KCNE4: variants seen among roughly 807,000 people sequenced by gnomAD.
KCNE4 encodes the protein potassium voltage-gated channel subfamily E member 4.
Under a neutral mutation model 9.2 loss-of-function variants are expected in KCNE4, and 6 were observed. The observed-to-expected ratio is 0.65, with a 90% CI of 0.36 to 1.29. KCNE4 has a LOEUF of 1.29. Ranked by LOEUF, KCNE4 falls within the 50% of genes most tolerant of loss-of-function variation. KCNE4 has a pLI of 0.03. For missense variants in KCNE4, 222 were observed against 228.8 expected (o/e 0.97, Z 0.19); for synonymous variants, 115 against 103.2 (o/e 1.11, Z -0.70).
rs1252060503 is a variant in KCNE4 at position 223,054,389 on chromosome 2, CG to C, written c.*1047del. On this transcript the variant is annotated 3_prime_UTR_variant, in exon 2 of 2. Coordinates refer to ENST00000281830, the MANE Select transcript of KCNE4 (RefSeq NM_080671.4). ...CTCGCTGTCTGCATGAGGCTCCCGA[CG>C]ATCTCCATCCCCAGGGGGTTGGGAG... The C allele has an allele frequency of 6.0e-6, 1 of 167,078 alleles. No homozygotes were observed. The highest frequency in any genetic ancestry group is 1.5e-5 in the Non-Finnish European group (1 of 68,118). 10.3% of individuals were successfully genotyped at this position (167,078 alleles called of 1,614,324 possible).
In KCNE4 at chr2:223,052,965, C is replaced by T. The variant is rs1698717082; in HGVS notation, c.135C>T (p.Phe45=). The T allele has an allele frequency of 6.2e-7, 1 of 1,614,222 alleles. No individual in the cohort carries two copies. Residue 45 remains phenylalanine, a synonymous_variant, in exon 2 of 2, where the codon TTC becomes TTT. Transcript: ENST00000281830. ...EYFYILVVMS[F]YGIFLIGIML... The stretch of plus-strand genomic sequence containing the variant: ...TCTACATTCTGGTTGTCATGTCCTT[C>T]TACGGCATTTTCTTGATCGGAATCA...
rs765086214 is a variant in KCNE4, at chr2:223,053,205, G to C, written c.375G>C (p.Val125=). ...TCTGTTCCATGGAAGGGGACAGCGT[G>C]AGCTCCGAGTCCTCCTCCCCGGACG... The part of the protein sequence containing the change: ...CTLCSMEGDS[V]SSESSSPDVH... The change falls in exon 2 of 2, where the codon GTG becomes GTC. Residue 125 remains valine (V), a synonymous_variant. Transcript: ENST00000281830. The surrounding 1 kb of genome is among the most constrained non-coding windows in gnomAD (Gnocchi z 4.1). 1 of 1,612,988 alleles carries C rather than the reference G, an allele frequency of 6.2e-7. No individual in the cohort carries two copies. Among genetic ancestry groups the C allele is most frequent in the East Asian group, 2.2e-5 (1 of 44,844 alleles).
At position 223,052,802 on chromosome 2, in the gene KCNE4, C is replaced by T. The variant is rs1698712812; in HGVS notation, c.-23-6C>T. On this transcript the variant is annotated splice_region_variant and splice_polypyrimidine_tract_variant and intron_variant, in intron 1 of 1. Coordinates refer to ENST00000281830, the MANE Select transcript of KCNE4 (RefSeq NM_080671.4). ...GGAGAGTTCTAACCTGCGGCTTTTT[C>T]CCCAGCCCCTGCTGTGGAGGCAGCC... 1 of 1,605,686 alleles carries T rather than the reference C, an allele frequency of 6.2e-7. No homozygotes were observed. The highest frequency in any genetic ancestry group is 1.3e-5 in the African/African-American group (1 of 74,870).
chr2:223,053,466 AC>A lies in KCNE4; in HGVS notation c.*127del. 1 of 1,049,844 alleles carries A rather than the reference AC, an allele frequency of 9.5e-7. No individual in the cohort carries two copies. Among genetic ancestry groups the A allele is most frequent in the Non-Finnish European group, 1.4e-6 (1 of 694,414 alleles). The allele number at this position is 1,049,844 out of a possible 1,614,324, so 65.0% of individuals were successfully genotyped here. ...GCCACTTTGAAGAGACCCTTGGTAA[AC>A]CCCTGATTCGGGGTGGGGTGGGGGA... On this transcript the variant is annotated 3_prime_UTR_variant, in exon 2 of 2. Coordinates refer to ENST00000281830, the MANE Select transcript of KCNE4 (RefSeq NM_080671.4). This position sits in a 1 kb window ranked among gnomAD's most constrained non-coding sequence, Gnocchi z 4.1.
Position 223,053,905 on chromosome 2 carries a change from C to T in KCNE4, c.*562C>T, listed in dbSNP as rs2106183487. On this transcript the variant is annotated 3_prime_UTR_variant, in exon 2 of 2. Coordinates refer to ENST00000281830, the MANE Select transcript of KCNE4 (RefSeq NM_080671.4). This position sits in a 1 kb window ranked among gnomAD's most constrained non-coding sequence, Gnocchi z 4.1. The stretch of plus-strand genomic sequence containing the variant: ...TGGAGATCTGAACCCAGCCCATTTG[C>T]ACACTATAAGAAAAAAAAGTAACTT... 5.8e-6 allele frequency: 1 copy of T among 171,958 alleles called. No individual in the cohort carries two copies. The highest frequency in any genetic ancestry group is 2.4e-5 in the African/African-American group (1 of 41,592). 10.7% of individuals were successfully genotyped at this position (171,958 alleles called of 1,614,324 possible).
In KCNE4 at chr2:223,053,105, G is replaced by A. The variant is rs1196499129; in HGVS notation, c.275G>A (p.Gly92Asp). ...EAMKPLPVVS[G>D]LRSVQVPLML... The stretch of plus-strand genomic sequence containing the variant: ...ATGAAGCCGCTGCCTGTGGTGTCGG[G>A]CCTGAGGTCGGTGCAGGTGCCCCTG... The change falls in exon 2 of 2, where the codon GGC becomes GAC. Residue 92 changes from glycine to aspartate, a missense_variant. Gly to Asp is a moderately conservative substitution (Grantham distance 94, BLOSUM62 -1). Transcript: ENST00000281830. This position sits in a 1 kb window ranked among gnomAD's most constrained non-coding sequence, Gnocchi z 4.1. The A allele has an allele frequency of 5.0e-6, 8 of 1,613,860 alleles. No individual in the cohort carries two copies. Among genetic ancestry groups the A allele is most frequent in the Non-Finnish European group, 5.9e-6 (7 of 1,179,940 alleles).
Position 223,052,825 on chromosome 2 carries a change from G to A in KCNE4, c.-6G>A, listed in dbSNP as rs1445324889. 1 of 1,609,996 alleles carries A rather than the reference G, an allele frequency of 6.2e-7. No individual in the cohort carries two copies. The highest frequency in any genetic ancestry group is 8.5e-7 in the Non-Finnish European group (1 of 1,179,940). ...TTCCCCAGCCCCTGCTGTGGAGGCA[G>A]CCTCAATGCTGAAAATGGAGCCTCT... On this transcript the variant is annotated 5_prime_UTR_variant, in exon 2 of 2. Transcript: ENST00000281830.
At chr2:223,052,740 C>T (rs1698711293) in intron 1 of KCNE4, 68 bp from the exon 2 acceptor site, 1 of 1,553,882 alleles carries the variant, frequency 6.4e-7, no homozygotes, top group Non-Finnish European at 8.7e-7. Context: ...TTCCACAAAC[C>T]TCGTGCTCCC....
chr2:223,052,202 C>G lies in KCNE4; in HGVS notation c.-96C>G. 2.4e-6 allele frequency: 3 copies of G among 1,232,990 alleles called. No individual in the cohort carries two copies. The highest frequency in any genetic ancestry group is 3.0e-6 in the Non-Finnish European group (3 of 988,664). 76.4% of individuals were successfully genotyped at this position (1,232,990 alleles called of 1,614,324 possible). Reference sequence around the variant, plus strand: ...CAGCGGAGTTGTCAGAGCGCAGAGCCGGACAGAGCAGAAGAACCCTCTTGG... The same window carrying G: ...CAGCGGAGTTGTCAGAGCGCAGAGCGGGACAGAGCAGAAGAACCCTCTTGG... On this transcript the variant is annotated 5_prime_UTR_variant, in exon 1 of 2. Coordinates refer to ENST00000281830, the MANE Select transcript of KCNE4 (RefSeq NM_080671.4).
In KCNE4 at chr2:223,052,957, A is replaced by T. The variant is rs373075997; in HGVS notation, c.127A>T (p.Met43Leu). ...CGAGTACTTCTACATTCTGGTTGTC[A>T]TGTCCTTCTACGGCATTTTCTTGAT... Reference protein sequence around the residue: ...GNEYFYILVVMSFYGIFLIGI... With the variant: ...GNEYFYILVVLSFYGIFLIGI... The change falls in exon 2 of 2, where the codon ATG (methionine) becomes TTG (leucine). Residue 43 changes from methionine to leucine, a missense_variant. By Grantham distance (15) the Met-to-Leu change is conservative. Coordinates refer to ENST00000281830, the MANE Select transcript of KCNE4 (RefSeq NM_080671.4). The T allele has an allele frequency of 6.2e-7, 1 of 1,614,206 alleles. No individual in the cohort carries two copies.
In KCNE4 at chr2:223,055,331, G is replaced by A. The variant is rs1042644212; in HGVS notation, c.*1988G>A. 6.0e-6 allele frequency: 1 copy of A among 167,084 alleles called. No homozygotes were observed. The highest frequency in any genetic ancestry group is 2.4e-5 in the African/African-American group (1 of 41,444). 10.4% of individuals were successfully genotyped at this position (167,084 alleles called of 1,614,324 possible). A position where few individuals can be genotyped will look rare whatever the true frequency, so the allele number is the denominator to read the frequency against. On this transcript the variant is annotated 3_prime_UTR_variant, in exon 2 of 2. Coordinates refer to ENST00000281830, the MANE Select transcript of KCNE4 (RefSeq NM_080671.4). ...GGCCCTCTGTTCACTTTAAAATTCA[G>A]TGTGGACTTATGCCAAAGGGGGCTG...
rs1698742981 is a variant in KCNE4 at position 223,054,824 on chromosome 2, A to C, written c.*1481A>C. On this transcript the variant is annotated 3_prime_UTR_variant, in exon 2 of 2. Coordinates refer to ENST00000281830, the MANE Select transcript of KCNE4 (RefSeq NM_080671.4). ...GAAGTAAAAGGTCAAATTTAAATCTATTTAAAAAAACTTTTAAAAAAATTA... is the reference window on the plus strand; with the variant it reads ...GAAGTAAAAGGTCAAATTTAAATCTCTTTAAAAAAACTTTTAAAAAAATTA... 1 of 166,664 alleles carries C rather than the reference A, an allele frequency of 6.0e-6. No individual in the cohort carries two copies. Among genetic ancestry groups the C allele is most frequent in the Admixed American group, 6.5e-5 (1 of 15,286 alleles). The allele number at this position is 166,664 out of a possible 1,614,324, so 10.3% of individuals were successfully genotyped here.
rs1450323570 is a variant in KCNE4, at chr2:223,054,834, A to AG, written c.*1491_*1492insG. 1.2e-5 allele frequency: 2 copies of AG among 166,592 alleles called. No individual in the cohort carries two copies. Among genetic ancestry groups the AG allele is most frequent in the Non-Finnish European group, 2.9e-5 (2 of 68,108 alleles). 10.3% of individuals were successfully genotyped at this position (166,592 alleles called of 1,614,324 possible). ...GTCAAATTTAAATCTATTTAAAAAA[A>AG]CTTTTAAAAAAATTATTTATTTATT... On this transcript the variant is annotated 3_prime_UTR_variant, in exon 2 of 2. Transcript: ENST00000281830.
rs768989498 is a variant in KCNE4 at position 223,053,163 on chromosome 2, C to T, written c.333C>T (p.Pro111=). The T allele has an allele frequency of 6.8e-6, 11 of 1,610,914 alleles. No individual in the cohort carries two copies. Among genetic ancestry groups the T allele is most frequent in the East Asian group, 2.2e-5 (1 of 44,802 alleles). ...ACATGCTGCAGGAGAGCGTGGCGCCCGCGCTGTCCTGCACCCTCTGTTCCA... is the reference window on the plus strand; with the variant it reads ...ACATGCTGCAGGAGAGCGTGGCGCCTGCGCTGTCCTGCACCCTCTGTTCCA... ...MLNMLQESVA[P]ALSCTLCSME... is the part of the protein sequence containing the mutation. The change falls in exon 2 of 2, where the codon CCC becomes CCT. Residue 111 remains proline, a synonymous_variant. Coordinates refer to ENST00000281830, the MANE Select transcript of KCNE4 (RefSeq NM_080671.4). This position sits in a 1 kb window ranked among gnomAD's most constrained non-coding sequence, Gnocchi z 4.1.
chr2:223,052,752 C>T (rs1420409406), intron 1 of KCNE4, 56 bp from the exon 2 acceptor site: 14 of 1,581,360 alleles, frequency 8.9e-6, no homozygotes, highest in Admixed American at 8.6e-5. Flanking sequence ...CGTGCTCCCC[C>T]ACCTCCCTGT....
rs1338996953 is a variant in KCNE4 at position 223,054,698 on chromosome 2, A to G, written c.*1355A>G. The G allele has an allele frequency of 1.8e-5, 3 of 167,030 alleles. No homozygotes were observed. The allele number at this position is 167,030 out of a possible 1,614,324, so 10.3% of individuals were successfully genotyped here. Reference sequence around the variant, plus strand: ...ATGTTAACACTCCCAGCTAAGGGAAAGCAAAGTCTAAAGGAAAACACACAG... The same window carrying G: ...ATGTTAACACTCCCAGCTAAGGGAAGGCAAAGTCTAAAGGAAAACACACAG... On this transcript the variant is annotated 3_prime_UTR_variant, in exon 2 of 2. Coordinates refer to ENST00000281830, the MANE Select transcript of KCNE4 (RefSeq NM_080671.4).
Position 223,055,039 on chromosome 2 carries a change from G to A in KCNE4, c.*1696G>A, listed in dbSNP as rs545228475. On this transcript the variant is annotated 3_prime_UTR_variant, in exon 2 of 2. Transcript: ENST00000281830. ...CGCCCAGCTAATTTTTTGATTTTTA[G>A]TAGAGATGGGGTTTCGCCATTTTGG... The A allele has an allele frequency of 1.9e-4, 31 of 159,062 alleles. No homozygotes were observed. The highest frequency in any genetic ancestry group is 7.0e-4 in the African/African-American group (29 of 41,498). The allele number at this position is 159,062 out of a possible 1,614,324, so 9.9% of individuals were successfully genotyped here.
rs933189893 is a variant in KCNE4, at chr2:223,053,929, T to C, written c.*586T>C. 2 of 169,768 alleles carry C rather than the reference T, an allele frequency of 1.2e-5. No individual in the cohort carries two copies. The highest frequency in any genetic ancestry group is 4.8e-5 in the African/African-American group (2 of 41,478). The allele number at this position is 169,768 out of a possible 1,614,324, so 10.5% of individuals were successfully genotyped here. ...GCACACTATAAGAAAAAAAAGTAAC[T>C]TTTAAACCTGTTAACATTGGCCGGG... On this transcript the variant is annotated 3_prime_UTR_variant, in exon 2 of 2. Coordinates refer to ENST00000281830, the MANE Select transcript of KCNE4 (RefSeq NM_080671.4). This position sits in a 1 kb window ranked among gnomAD's most constrained non-coding sequence, Gnocchi z 4.1.
rs779196772 is a variant in KCNE4 at position 223,053,254 on chromosome 2, G to C, written c.424G>C (p.Gly142Arg). The C allele has an allele frequency of 6.2e-7, 1 of 1,613,972 alleles. No homozygotes were observed. Among genetic ancestry groups the C allele is most frequent in the South Asian group, 1.1e-5 (1 of 91,082 alleles). The change falls in exon 2 of 2, where the codon GGG (glycine) becomes CGG (arginine). Residue 142 changes from glycine to arginine, a missense_variant. Physicochemically the swap from Gly to Arg is moderately radical, Grantham distance 125. Transcript: ENST00000281830. This position sits in a 1 kb window ranked among gnomAD's most constrained non-coding sequence, Gnocchi z 4.1. ...PDVHLTIQEE[G>R]ADDELEETSE... ...CGTGCACCTCACCATTCAGGAGGAG[G>C]GGGCAGACGATGAGCTGGAGGAGAC... is the stretch of plus-strand genomic sequence containing the variant.
Sources: allele counts gnomAD v4.1 joint callset, GRCh38; gene constraint gnomAD v4.1.1; non-coding constraint Gnocchi (gnomAD v3.1); transcripts MANE v1.5; gene names NCBI Gene and HGNC (gene_info 2026-07-23, HGNC 2026-07-21).